The following LUZP2 variants were observed in gnomAD, a reference collection of about 807,000 sequenced individuals.
LUZP2 encodes leucine zipper protein 2.
LUZP2 carries 52 observed loss-of-function variants against 51.6 expected under a neutral mutation model. That is an observed-to-expected ratio of 1.01 (90% confidence interval 0.81 to 1.27). The LOEUF (loss-of-function observed/expected upper bound fraction) is 1.27. Among genes scored for constraint, LUZP2 ranks in the 50% most tolerant of loss-of-function variants. The pLI, the probability that LUZP2 is intolerant of heterozygous loss-of-function variation, is 0.00. For synonymous variants in LUZP2, 154 were observed against 137.3 expected, an observed-to-expected ratio of 1.12 and a Z score of -0.85; for missense variants, 436 against 395.4, an observed-to-expected ratio of 1.10 and a Z score of -0.87.
At chr11:24,535,558 C>A (rs540727349) in intron 1 of LUZP2, among the ~76,000 whole-genome samples, 1 of 151,552 alleles carries the variant, frequency 6.6e-6, no homozygotes, top group Non-Finnish European at 1.5e-5. Context: ...ATATCAGAAG[C>A]AACTCTTCAT....
chr11:24,544,521 A>G (rs1851481089), intron 1 of LUZP2, among the ~76,000 whole-genome samples: 1 of 152,100 alleles, frequency 6.6e-6, no homozygotes, highest in Non-Finnish European at 1.5e-5. Context: ...GCTCCCTAGT[A>G]AAGTAAGAAT....
chr11:24,912,420 A>G (rs1565096770), intron 6 of LUZP2, among the ~76,000 whole-genome samples: 1 of 152,068 alleles, frequency 6.6e-6, no homozygotes, highest in African/African-American at 2.4e-5. Context: ...TTCCACTTGA[A>G]TCAATCATAC....
intron 7 of LUZP2, among the ~76,000 whole-genome samples, chr11:24,962,436 C>T (rs919192354): frequency 2.0e-5 from 3 of 152,108 alleles, no homozygotes; most frequent in African/African-American, 7.2e-5. Flanking sequence ...TCACATAGTC[C>T]CATATTTCTT....
Position 24,930,134 on chromosome 11 carries a change from T to C in LUZP2, c.522+15596T>C, listed in dbSNP as rs145035557. Among the ~76,000 whole-genome samples, 1,476 of 152,328 alleles carry C rather than the reference T, an allele frequency of 9.7e-3. 20 individuals are homozygous for C. The highest frequency in any genetic ancestry group is 0.045 in the South Asian group (217 of 4,828). ...TTTATTTGAGTCTTTTTGTGTTGGG[T>C]GAGTCTCTTGAAGATAGTAGATACT... On this transcript the variant is annotated intron_variant, in intron 7 of 11. Transcript: ENST00000336930.
intron 7 of LUZP2, among the ~76,000 whole-genome samples, chr11:24,921,504 G>T (rs1297816507): frequency 2.0e-5 from 3 of 152,134 alleles, no homozygotes; most frequent in African/African-American, 4.8e-5. Context: ...TCCATGTTAG[G>T]TGGACCTACT....
chr11:24,561,464 C>T (rs1411344072), intron 1 of LUZP2, among the ~76,000 whole-genome samples: 1 of 152,122 alleles, frequency 6.6e-6, no homozygotes, highest in South Asian at 2.1e-4. Flanking sequence ...AGAATTCAAA[C>T]TCTGCTCCTT....
At chr11:24,766,476 T>G (rs1860193003) in intron 5 of LUZP2, among the ~76,000 whole-genome samples, 1 of 152,214 alleles carries the variant, frequency 6.6e-6, no homozygotes, top group Non-Finnish European at 1.5e-5. Context: ...AAGGGCTTCC[T>G]TTTAGTGGTT....
intron 1 of LUZP2, among the ~76,000 whole-genome samples, chr11:24,524,367 T>C (rs931291934): frequency 6.6e-6 from 1 of 151,770 alleles, no homozygotes; most frequent in African/African-American, 2.4e-5. Flanking sequence ...ACGCAAGTTT[T>C]GGTAAAACAT....
At chr11:24,997,578 A>T (rs1335742637) in intron 9 of LUZP2, among the ~76,000 whole-genome samples, 1 of 151,894 alleles carries the variant, frequency 6.6e-6, no homozygotes, top group Non-Finnish European at 1.5e-5. Context: ...TTGCCTGTTC[A>T]CTCTGATGGT....
chr11:24,690,090 T>C (rs2133886981), intron 1 of LUZP2, among the ~76,000 whole-genome samples: 1 of 152,174 alleles, frequency 6.6e-6, no homozygotes, highest in Non-Finnish European at 1.5e-5. Flanking sequence ...AATTATCTTA[T>C]CTCTGTGATA....
chr11:24,899,699 A>G (rs1853214324), intron 5 of LUZP2, among the ~76,000 whole-genome samples: 1 of 152,146 alleles, frequency 6.6e-6, no homozygotes, highest in Non-Finnish European at 1.5e-5. Flanking sequence ...ACCAGAGAGA[A>G]AGAGAGGCAT....
intron 1 of LUZP2, among the ~76,000 whole-genome samples, chr11:24,555,196 A>G (rs899384724): frequency 6.6e-6 from 1 of 152,154 alleles, no homozygotes; most frequent in Non-Finnish European, 1.5e-5. Flanking sequence ...GGAGATTTAG[A>G]AGCGATATGG....
intron 5 of LUZP2, among the ~76,000 whole-genome samples, chr11:24,878,118 G>T (rs3078866): frequency 0.13 from 3,985 of 30,076 alleles, 148 homozygotes; most frequent in South Asian, 0.21. Flanking sequence ...TTTTTTTTTT[G>T]GTGAACTTAC....
intron 1 of LUZP2, among the ~76,000 whole-genome samples, chr11:24,638,213 C>A (rs1305600543): frequency 1.3e-5 from 2 of 151,700 alleles, no homozygotes; most frequent in African/African-American, 4.9e-5. Context: ...AATGTATTAA[C>A]TTCTGGAACC....
intron 1 of LUZP2, among the ~76,000 whole-genome samples, chr11:24,625,552 A>G (rs1417281672): frequency 6.6e-6 from 1 of 152,152 alleles, no homozygotes; most frequent in African/African-American, 2.4e-5. Context: ...TACCTCCAAT[A>G]AAGCTGAAAA....
In LUZP2 at chr11:24,607,829, AT is replaced by A. The variant is rs36035163; in HGVS notation, c.62+110535del. 5.5e-3 allele frequency among the ~76,000 whole-genome samples: 797 copies of A among 145,190 alleles called. 7 individuals are homozygous for A. Among genetic ancestry groups the A allele is most frequent in the Middle Eastern group, 0.018 (5 of 278 alleles). On this transcript the variant is annotated intron_variant, in intron 1 of 11. Transcript: ENST00000336930. ...CTGTTGGTACATCTATCTCTATTTT[AT>A]TTTTTTTTTTCATTTTTTATTTTAG...
chr11:24,893,290 A>T (rs941850332), intron 5 of LUZP2: 4 of 152,170 alleles, frequency 2.6e-5, no homozygotes, highest in African/African-American at 9.7e-5. Flanking sequence ...AATCAGACAG[A>T]TTCGATTTTT....
At chr11:24,667,011 A>G (rs373921775) in intron 1 of LUZP2, among the ~76,000 whole-genome samples, 1 of 152,066 alleles carries the variant, frequency 6.6e-6, no homozygotes, top group African/African-American at 2.4e-5. Flanking sequence ...ATCAGTTTTC[A>G]TGTGAAATAG....
At chr11:24,728,697 C>A (rs146020265) in intron 1 of LUZP2, among the ~76,000 whole-genome samples, 19 of 151,938 alleles carry the variant, frequency 1.3e-4, no homozygotes, top group African/African-American at 4.6e-4. Flanking sequence ...CTCCTGCTCC[C>A]CAGTTAGAAC....
Sources: gnomAD v4.1 joint callset for allele counts (sites outside exome capture counted in the v4.1 genomes callset) on GRCh38, gnomAD v4.1.1 for gene constraint, MANE v1.5 for transcripts, NCBI Gene and HGNC (gene_info 2026-07-23, HGNC 2026-07-21) for gene names.